Variants in VCL observed in about 807,000 individuals in gnomAD.
VCL encodes vinculin.
In VCL, 47 loss-of-function variants were observed where a neutral mutation model predicts 125.7. The observed-to-expected ratio is 0.37, with a 90% CI of 0.30 to 0.48. The LOEUF (loss-of-function observed/expected upper bound fraction) is 0.48. VCL is among the 20% of genes least tolerant of loss of function. VCL has a pLI of 0.99. For synonymous variants in VCL, 458 were observed against 514.6 expected (o/e 0.89, Z 1.49); for missense variants, 1,069 against 1,455.5 (o/e 0.73, Z 4.32).
chr10:74,035,074 C>T (rs889179653), intron 1 of VCL, among the ~76,000 whole-genome samples: 1 of 152,162 alleles, frequency 6.6e-6, no homozygotes, highest in Non-Finnish European at 1.5e-5. Context: ...CATCTTCCTA[C>T]CACATTTTTA....
intron 21 of VCL, among the ~76,000 whole-genome samples, chr10:74,116,010 C>A (rs539719272): frequency 7.4e-4 from 112 of 152,260 alleles, no homozygotes; most frequent in Middle Eastern, 3.4e-3. Flanking sequence ...ACATGGGGTA[C>A]ATAGTTTTGT....
At chr10:74,008,728 CA>C (rs1327635454) in intron 1 of VCL, among the ~76,000 whole-genome samples, 1 of 152,144 alleles carries the variant, frequency 6.6e-6, no homozygotes, top group African/African-American at 2.4e-5. Flanking sequence ...CATAATAAAC[CA>C]GCATTAGGGC....
chr10:74,072,390 G>C (rs1841674726), intron 4 of VCL, among the ~76,000 whole-genome samples: 1 of 152,084 alleles, frequency 6.6e-6, no homozygotes, highest in Non-Finnish European at 1.5e-5. Context: ...GACATGGCAT[G>C]AAACCTGTAT....
rs567586780 is a variant in VCL at position 74,046,643 on chromosome 10, G to A, written c.239+3490G>A. Among the ~76,000 whole-genome samples the A allele has an allele frequency of 3.9e-5, 6 of 152,344 alleles. No individual in the cohort carries two copies. The South Asian group carries it at 1.0e-3, about 26-fold the overall frequency. ...ATTAAAAACATAGCTCTAGCTTGTAGCAGGTTGCCCCTCACCCCTTGGAAG... is the reference window on the plus strand; with the variant it reads ...ATTAAAAACATAGCTCTAGCTTGTAACAGGTTGCCCCTCACCCCTTGGAAG... On this transcript the variant is annotated intron_variant, in intron 2 of 21. Coordinates refer to ENST00000211998, the MANE Select transcript of VCL (RefSeq NM_014000.3).
chr10:74,057,500 CAGAG>C (rs776314171), intron 2 of VCL, among the ~76,000 whole-genome samples: 2 of 152,266 alleles, frequency 1.3e-5, no homozygotes, highest in Admixed American at 6.5e-5. Context: ...TGCGGGAAGG[CAGAG>C]AGAGCTTGAG....
chr10:74,105,518 G>A (rs1840118263), intron 16 of VCL, among the ~76,000 whole-genome samples, 165 bp downstream of exon 16: 1 of 152,142 alleles, frequency 6.6e-6, no homozygotes, highest in African/African-American at 2.4e-5. Flanking sequence ...CCAAGTCTCT[G>A]CAGTTATCAG....
chr10:74,020,157 A>T (rs1440216082), intron 1 of VCL, among the ~76,000 whole-genome samples: 1 of 152,210 alleles, frequency 6.6e-6, no homozygotes, highest in Non-Finnish European at 1.5e-5. Context: ...CTAAGGCTGA[A>T]AGCATTTGAG....
In VCL at chr10:74,065,401, T is replaced by C. The variant is rs554741062; in HGVS notation, c.240-5269T>C. 9.2e-5 allele frequency among the ~76,000 whole-genome samples: 14 copies of C among 152,062 alleles called. No individual in the cohort carries two copies. In the South Asian group the frequency reaches 2.7e-3, roughly 29 times the overall value. On this transcript the variant is annotated intron_variant, in intron 2 of 21. Transcript: ENST00000211998. ...ATCCACTTACCTCGGCCTCCCAGAG[T>C]GCTGGGTTTACAGGTGTGAGCCACT...
chr10:74,044,511 C>T (rs988798782), intron 2 of VCL, among the ~76,000 whole-genome samples: 12 of 152,094 alleles, frequency 7.9e-5, no homozygotes, highest in African/African-American at 2.7e-4. Context: ...ATTATACACC[C>T]CAAATTAAGA....
intron 1 of VCL, among the ~76,000 whole-genome samples, chr10:74,014,831 G>C (rs1371167378): frequency 2.6e-5 from 4 of 152,008 alleles, no homozygotes; most frequent in African/African-American, 9.7e-5. Context: ...GGGACTACAT[G>C]CGTGCACTAC....
intron 1 of VCL, among the ~76,000 whole-genome samples, chr10:74,020,789 C>A (rs889612472): frequency 2.8e-5 from 4 of 141,896 alleles, no homozygotes; most frequent in African/African-American, 5.1e-5. Flanking sequence ...TGCAGTGAAC[C>A]ATGATCGCCC....
In VCL at chr10:74,055,136, C is replaced by T. The variant is rs549929322; in HGVS notation, c.239+11983C>T. On this transcript the variant is annotated intron_variant, in intron 2 of 21. Transcript: ENST00000211998. ...CTAACATGGTGGAAACCCGTCTCTACTAAAAATACAGAAATTAGCTGGGCA... is the reference window on the plus strand; with the variant it reads ...CTAACATGGTGGAAACCCGTCTCTATTAAAAATACAGAAATTAGCTGGGCA... Among the ~76,000 whole-genome samples the T allele has an allele frequency of 1.1e-4, 16 of 151,922 alleles. No homozygotes were observed. In the South Asian group the frequency reaches 3.1e-3, roughly 30 times the overall value.
At chr10:74,085,372 C>A (rs750602871) in intron 8 of VCL, among the ~76,000 whole-genome samples, 2 of 152,042 alleles carry the variant, frequency 1.3e-5, no homozygotes, top group Non-Finnish European at 2.9e-5. Flanking sequence ...AGAAACATAG[C>A]GTGAAAACAT....
chr10:74,086,913 A>G (rs533481032), intron 8 of VCL, among the ~76,000 whole-genome samples: 4 of 152,284 alleles, frequency 2.6e-5, no homozygotes, highest in African/African-American at 9.6e-5. Flanking sequence ...GGTTGCTAGT[A>G]TATATTTTTA....
At chr10:74,039,797 A>G (rs1841059979) in intron 1 of VCL, among the ~76,000 whole-genome samples, 1 of 151,892 alleles carries the variant, frequency 6.6e-6, no homozygotes, top group Non-Finnish European at 1.5e-5. Context: ...AAAAGAAAAG[A>G]AAAAGTCAGA....
intron 7 of VCL, 136 bp from the exon 8 acceptor site, chr10:74,083,230 A>C (rs1445982681): frequency 1.7e-6 from 2 of 1,150,986 alleles, no homozygotes; most frequent in South Asian, 2.7e-5. Flanking sequence ...GCTGTTAGCT[A>C]TCAGATATGT....
intron 21 of VCL, among the ~76,000 whole-genome samples, chr10:74,116,419 A>C (rs960580913): frequency 6.6e-6 from 1 of 152,206 alleles, no homozygotes; most frequent in Non-Finnish European, 1.5e-5. Flanking sequence ...AAAAATGGGG[A>C]AGGAAGGGTA....
chr10:74,013,036 T>C (rs537182926), intron 1 of VCL, among the ~76,000 whole-genome samples: 11 of 152,324 alleles, frequency 7.2e-5, no homozygotes, highest in South Asian at 2.1e-4. Flanking sequence ...GGGGCAAATA[T>C]TGGCTCTGCT....
At chr10:74,010,409 A>G (rs1840411430) in intron 1 of VCL, among the ~76,000 whole-genome samples, 1 of 152,190 alleles carries the variant, frequency 6.6e-6, no homozygotes, top group Non-Finnish European at 1.5e-5. Flanking sequence ...GTGTCTTCAT[A>G]TAGTCTGAAA....
Sources: gnomAD v4.1 joint callset for allele counts (sites outside exome capture counted in the v4.1 genomes callset) on GRCh38, gnomAD v4.1.1 for gene constraint, MANE v1.5 for transcripts, NCBI Gene and HGNC (gene_info 2026-07-23, HGNC 2026-07-21) for gene names.